ITGB3: variants seen among roughly 807,000 people sequenced by gnomAD.
ITGB3 encodes integrin beta-3.
ITGB3 carries 48 observed loss-of-function variants against 85.8 expected under a neutral mutation model. The observed-to-expected ratio is 0.56, with a 90% confidence interval of 0.44 to 0.71. ITGB3 has a LOEUF of 0.71. Among genes scored for constraint, ITGB3 ranks in the 30% least tolerant of loss-of-function variants. ITGB3 has a pLI of 0.00. For missense variants in ITGB3, 861 were observed against 1,019.1 expected (o/e 0.84, Z 2.11); for synonymous variants, 363 against 395.6 (o/e 0.92, Z 0.98).
chr17:47,269,994 A>G (rs2065038748), intron 1 of ITGB3, among the ~76,000 whole-genome samples: 1 of 152,244 alleles, frequency 6.6e-6, no homozygotes, highest in Non-Finnish European at 1.5e-5. Flanking sequence ...CCTTCTTCAC[A>G]TGGTGGCAGG....
chr17:47,262,134 G>T (rs62074396), intron 1 of ITGB3, among the ~76,000 whole-genome samples: 21,072 of 152,208 alleles, frequency 0.14, 1,564 homozygotes, highest in Middle Eastern at 0.16. Flanking sequence ...ATTTTAGTAG[G>T]TGTTGTCAAT....
In ITGB3 at chr17:47,299,090, A is replaced by G. The variant is rs115235028; in HGVS notation, c.1691-218A>G. ...TTAGTTCCTGAGAATCTTTTGCTCT[A>G]CAGTGGCTCCGAGCAAGTCCTGCCA... On this transcript the variant is annotated intron_variant, in intron 10 of 14. Coordinates refer to ENST00000559488, the MANE Select transcript of ITGB3 (RefSeq NM_000212.3). This position sits in a 1 kb window ranked among gnomAD's most constrained non-coding sequence, Gnocchi z 5.1. Among the ~76,000 whole-genome samples the G allele has an allele frequency of 0.018, 2,668 of 152,342 alleles. 70 individuals are homozygous for G. The highest frequency in any genetic ancestry group is 0.061 in the African/African-American group (2,552 of 41,586).
At chr17:47,278,466 G>A (rs1158585752) in intron 2 of ITGB3, among the ~76,000 whole-genome samples, 1 of 152,120 alleles carries the variant, frequency 6.6e-6, no homozygotes, top group African/African-American at 2.4e-5. Context: ...TGTAACCCCA[G>A]CTACTAGGGA....
At chr17:47,279,005 A>G (rs1439274942) in intron 2 of ITGB3, among the ~76,000 whole-genome samples, 1 of 152,222 alleles carries the variant, frequency 6.6e-6, no homozygotes, top group Admixed American at 6.5e-5. Context: ...TGAGATTTTT[A>G]TATTTTGAAA....
At chr17:47,254,115 C>A (rs945019537) in intron 1 of ITGB3, among the ~76,000 whole-genome samples, 175 bp downstream of exon 1, 1 of 152,146 alleles carries the variant, frequency 6.6e-6, no homozygotes, top group Non-Finnish European at 1.5e-5. Context: ...CCTGGCCCGG[C>A]GGTGGCGGGG....
chr17:47,267,539 G>A (rs1033237374), intron 1 of ITGB3, among the ~76,000 whole-genome samples: 1 of 152,106 alleles, frequency 6.6e-6, no homozygotes, highest in Admixed American at 6.5e-5. Context: ...TGGGTAGCAG[G>A]ACTTGGTTGG....
rs5820648 is a variant in ITGB3 at position 47,256,473 on chromosome 17, A to ACC, written c.79+2543_79+2544dup. On this transcript the variant is annotated intron_variant, in intron 1 of 14. Transcript: ENST00000559488. ...TCTAAAGTCAGACTTCCAGAGTAAT[A>ACC]CCCCCCCCCCCAACCTCACAAATCA... 1.2e-3 allele frequency among the ~76,000 whole-genome samples: 153 copies of ACC among 132,868 alleles called. 1 individual carries two copies. Among genetic ancestry groups the ACC allele is most frequent in the Admixed American group, 3.9e-3 (50 of 12,980 alleles). 87.2% of individuals were successfully genotyped at this position (132,868 alleles called of 152,430 possible).
At position 47,299,429 on chromosome 17, in the gene ITGB3, C is replaced by T. The variant is rs769950254; in HGVS notation, c.1812C>T (p.Arg604=). 40 of 1,614,134 alleles carry T rather than the reference C, an allele frequency of 2.5e-5. No homozygotes were observed. The highest frequency in any genetic ancestry group is 1.6e-4 in the Middle Eastern group (1 of 6,084). ...GCAATGGGCTGCTGTGCAGCGGCCG[C>T]GGCAAGTGTGAATGTGGCAGCTGTG... ...MSSNGLLCSG[R]GKCECGSCVC... is the part of the protein sequence containing the mutation. The change falls in exon 11 of 15, where the codon CGC becomes CGT. Residue 604 remains arginine, a synonymous_variant. Transcript: ENST00000559488. This position sits in a 1 kb window ranked among gnomAD's most constrained non-coding sequence, Gnocchi z 5.1.
In ITGB3 at chr17:47,298,980, A is replaced by G. The variant is rs140265053; in HGVS notation, c.1691-328A>G. Among the ~76,000 whole-genome samples, 113 of 152,334 alleles carry G rather than the reference A, an allele frequency of 7.4e-4. No individual in the cohort carries two copies. In the East Asian group the frequency reaches 0.018, roughly 24 times the overall value. On this transcript the variant is annotated intron_variant, in intron 10 of 14. Coordinates refer to ENST00000559488, the MANE Select transcript of ITGB3 (RefSeq NM_000212.3). ...TAGACTAGAAGGAACTAAGTCTTCTAAGCCTCCTACCCTTTCTCTTGCCTT... is the reference window on the plus strand; with the variant it reads ...TAGACTAGAAGGAACTAAGTCTTCTGAGCCTCCTACCCTTTCTCTTGCCTT...
At chr17:47,283,662 G>A (rs1342745763) in intron 3 of ITGB3, 113 bp downstream of exon 3, 2 of 1,019,500 alleles carry the variant, frequency 2.0e-6, no homozygotes, top group African/African-American at 1.6e-5. Context: ...AATGGGGTGG[G>A]AAGACAAGGA....
rs5921 is a variant in ITGB3 at position 47,292,235 on chromosome 17, G to A, written c.1357G>A (p.Val453Ile). 9.2e-5 allele frequency: 149 copies of A among 1,614,164 alleles called. 4 individuals are homozygous for A. In the African/African-American group the frequency reaches 1.0e-3, roughly 11 times the overall value. Residue 453 changes from valine (V) to isoleucine (I), a missense_variant, in exon 10 of 15, where the codon GTC (valine) becomes ATC (isoleucine). By Grantham distance (29) the Val-to-Ile change is conservative (BLOSUM62 3). Transcript: ENST00000559488. ...CGTGGGCTTCAAGGACAGCCTGATC[G>A]TCCAGGTCACCTTTGATTGTGACTG... is the stretch of plus-strand genomic sequence containing the variant. Reference protein sequence around the residue: ...KPVGFKDSLIVQVTFDCDCAC... With the variant: ...KPVGFKDSLIIQVTFDCDCAC...
At position 47,311,609 on chromosome 17, in the gene ITGB3, C is replaced by T. The variant is rs1439861461; in HGVS notation, c.*1405C>T. The T allele has an allele frequency of 6.6e-6, 1 of 152,214 alleles. No individual in the cohort carries two copies. The highest frequency in any genetic ancestry group is 1.5e-5 in the Non-Finnish European group (1 of 68,058). 9.4% of individuals were successfully genotyped at this position (152,214 alleles called of 1,614,324 possible). A position where few individuals can be genotyped will look rare whatever the true frequency, so the allele number is the denominator to read the frequency against. On this transcript the variant is annotated 3_prime_UTR_variant, in exon 15 of 15. Transcript: ENST00000559488. ...GCATCATTCACAGCAAGTCACTGGC[C>T]AGTGGCTGGATCTGTGAGGGGCTCT...
chr17:47,268,735 T>G (rs553092972), intron 1 of ITGB3, among the ~76,000 whole-genome samples: 54 of 152,290 alleles, frequency 3.5e-4, no homozygotes, highest in African/African-American at 1.3e-3. Context: ...AGGCACATGG[T>G]GCAGGCTGTC....
chr17:47,258,573 C>CTG (rs2064998469), intron 1 of ITGB3, among the ~76,000 whole-genome samples: 4 of 151,936 alleles, frequency 2.6e-5, no homozygotes, highest in Non-Finnish European at 5.9e-5. Flanking sequence ...CAGAATTTTT[C>CTG]CATCATCCCC....
intron 1 of ITGB3, among the ~76,000 whole-genome samples, chr17:47,256,559 G>A (rs2064990990): frequency 6.6e-6 from 1 of 152,046 alleles, no homozygotes; most frequent in Non-Finnish European, 1.5e-5. Context: ...AGATCCCTGG[G>A]GAAGCAGATG....
chr17:47,273,885 T>C (rs2065053818), intron 1 of ITGB3, among the ~76,000 whole-genome samples: 2 of 152,230 alleles, frequency 1.3e-5, no homozygotes, highest in African/African-American at 4.8e-5. Flanking sequence ...TGAGAAGATT[T>C]CAGATTTGCT....
intron 13 of ITGB3, among the ~76,000 whole-genome samples, chr17:47,304,708 A>G (rs913213675): frequency 1.3e-5 from 2 of 152,040 alleles, no homozygotes; most frequent in African/African-American, 4.8e-5. Flanking sequence ...CCCAGGTTCA[A>G]GCAATTCTCC....
At chr17:47,266,162 C>T (rs1434614913) in intron 1 of ITGB3, among the ~76,000 whole-genome samples, 1 of 152,124 alleles carries the variant, frequency 6.6e-6, no homozygotes, top group Non-Finnish European at 1.5e-5. Context: ...CCCCATGGAC[C>T]TAATTGGGAA....
At chr17:47,278,375 G>A (rs903899245) in intron 2 of ITGB3, among the ~76,000 whole-genome samples, 1 of 152,204 alleles carries the variant, frequency 6.6e-6, no homozygotes, top group Non-Finnish European at 1.5e-5. Context: ...GAGGTCAGGA[G>A]TTTGAAACCA....
Sources: gnomAD v4.1 joint callset for allele counts (sites outside exome capture counted in the v4.1 genomes callset) on GRCh38, gnomAD v4.1.1 for gene constraint, Gnocchi (gnomAD v3.1) non-coding constraint, MANE v1.5 for transcripts, NCBI Gene and HGNC (gene_info 2026-07-23, HGNC 2026-07-21) for gene names.